Variants in DACH1 observed in about 807,000 individuals in gnomAD.
DACH1 encodes the protein dachshund family transcription factor 1, also known as dachshund homolog 1.
Under a neutral mutation model 54.2 loss-of-function variants are expected in DACH1, and 12 were observed. That is an observed-to-expected ratio of 0.22 (90% CI 0.14 to 0.36). The LOEUF is 0.36. Ranked by LOEUF, DACH1 falls within the 10% of genes least tolerant of loss-of-function variation. The pLI is 1.00. For missense variants in DACH1, 805 were observed against 929.8 expected (o/e 0.87, Z 1.75); for synonymous variants, 386 against 366.2 (o/e 1.05, Z -0.62).
At chr13:71,454,681 C>A (rs1324942586) in intron 10 of DACH1, among the ~76,000 whole-genome samples, 1 of 152,158 alleles carries the variant, frequency 6.6e-6, no homozygotes, top group African/African-American at 2.4e-5. Flanking sequence ...CTCTTGAGGA[C>A]AGGAGGCATG....
chr13:71,483,918 T>C (rs1424951187), intron 7 of DACH1, among the ~76,000 whole-genome samples: 2 of 152,174 alleles, frequency 1.3e-5, no homozygotes, highest in South Asian at 2.1e-4. Flanking sequence ...CTAGGCAATA[T>C]CCTCTAGGTT....
chr13:71,824,291 A>G (rs1888300423), intron 1 of DACH1, among the ~76,000 whole-genome samples: 1 of 151,864 alleles, frequency 6.6e-6, no homozygotes, highest in Non-Finnish European at 1.5e-5. Context: ...TATATTCAAC[A>G]TCAAATAAGT....
At chr13:71,519,882 A>AATATATATATATATATATATATATAT (rs1555290464) in intron 6 of DACH1, among the ~76,000 whole-genome samples, 1 of 35,526 alleles carries the variant, frequency 2.8e-5, no homozygotes, top group Admixed American at 3.8e-4. Flanking sequence ...AAACCAAAGT[A>AATATATATATATATATATATATATAT]GTATATATAT....
At chr13:71,530,978 A>G (rs1882376798) in intron 6 of DACH1, among the ~76,000 whole-genome samples, 1 of 152,212 alleles carries the variant, frequency 6.6e-6, no homozygotes, top group South Asian at 2.1e-4. Context: ...CTTATGATCA[A>G]CGTAAGGGAT....
chr13:71,747,946 A>G (rs1195337062), intron 1 of DACH1, among the ~76,000 whole-genome samples: 3 of 152,174 alleles, frequency 2.0e-5, no homozygotes, highest in Non-Finnish European at 1.5e-5. Flanking sequence ...CAGTTTGTGC[A>G]TGAACTTGAC....
chr13:71,863,870 T>C (rs1874515630), intron 1 of DACH1, among the ~76,000 whole-genome samples: 1 of 149,150 alleles, frequency 6.7e-6, no homozygotes, highest in Non-Finnish European at 1.5e-5. Context: ...CCGAGGAGAG[T>C]AGATGTTTGA....
chr13:71,468,108 C>G (rs1022935840), intron 10 of DACH1, among the ~76,000 whole-genome samples: 1 of 152,096 alleles, frequency 6.6e-6, no homozygotes, highest in Non-Finnish European at 1.5e-5. Context: ...TCCACAAACA[C>G]TTTACTATGG....
In DACH1 at chr13:71,619,721, G is replaced by T. The variant is rs143433785; in HGVS notation, c.1126+10835C>A. 4.0e-3 allele frequency among the ~76,000 whole-genome samples: 612 copies of T among 152,074 alleles called. 2 individuals carry two copies. The highest frequency in any genetic ancestry group is 5.6e-3 in the Non-Finnish European group (378 of 67,840). ...ATGAGAGATTCTTGGAAGCTGAAAT[G>T]TAGGAGGGATTCAATTATGTGGGGT... On this transcript the variant is annotated intron_variant, in intron 3 of 10. Coordinates refer to ENST00000613252, the MANE Select transcript of DACH1 (RefSeq NM_080759.6).
intron 6 of DACH1, among the ~76,000 whole-genome samples, chr13:71,541,651 A>T (rs188378484): frequency 2.3e-3 from 357 of 152,196 alleles, no homozygotes; most frequent in African/African-American, 7.9e-3. Flanking sequence ...ATATCACATG[A>T]ATCATTTGTT....
chr13:71,841,282 A>G (rs1338764167), intron 1 of DACH1, among the ~76,000 whole-genome samples: 1 of 152,182 alleles, frequency 6.6e-6, no homozygotes, highest in Non-Finnish European at 1.5e-5. Context: ...AACTTTAAAA[A>G]ATAATTATGT....
intron 4 of DACH1, 48 bp downstream of exon 4, chr13:71,572,792 G>T (rs1012238328): frequency 6.4e-7 from 1 of 1,557,212 alleles, no homozygotes; most frequent in East Asian, 2.3e-5. Context: ...TTAAGGGATG[G>T]TGGCTTAAGA....
intron 1 of DACH1, among the ~76,000 whole-genome samples, chr13:71,714,857 G>A (rs191151773): frequency 6.9e-4 from 105 of 152,120 alleles, no homozygotes; most frequent in African/African-American, 2.4e-3. Context: ...AAATAAAATA[G>A]GCAGAGAAAG....
At chr13:71,555,666 G>A (rs1447626402) in intron 6 of DACH1, among the ~76,000 whole-genome samples, 1 of 151,912 alleles carries the variant, frequency 6.6e-6, no homozygotes, top group African/African-American at 2.4e-5. Flanking sequence ...TTACAATATT[G>A]CTATGCATGG....
At chr13:71,623,802 A>G (rs1391624867) in intron 3 of DACH1, among the ~76,000 whole-genome samples, 1 of 151,812 alleles carries the variant, frequency 6.6e-6, no homozygotes, top group East Asian at 1.9e-4. Context: ...TGGAAGCTAA[A>G]TCTTCTGACT....
intron 6 of DACH1, among the ~76,000 whole-genome samples, chr13:71,533,788 ACAC>A (rs1337053306): frequency 6.6e-6 from 1 of 151,814 alleles, no homozygotes; most frequent in African/African-American, 2.4e-5. Context: ...ACACACACAC[ACAC>A]TTTACTGTAT....
At chr13:71,566,591 C>T (rs1884907099) in intron 4 of DACH1, among the ~76,000 whole-genome samples, 1 of 152,030 alleles carries the variant, frequency 6.6e-6, no homozygotes, top group Admixed American at 6.6e-5. Context: ...TCAGTTCCCC[C>T]CAAATTCTCC....
At chr13:71,707,147 C>T (rs968696893) in intron 1 of DACH1, among the ~76,000 whole-genome samples, 2 of 152,146 alleles carry the variant, frequency 1.3e-5, no homozygotes, top group Non-Finnish European at 2.9e-5. Flanking sequence ...AACTTGCAAG[C>T]TCTTGGGGTG....
chr13:71,778,323 A>G (rs73525457), intron 1 of DACH1, among the ~76,000 whole-genome samples: 644 of 152,120 alleles, frequency 4.2e-3, no homozygotes, highest in African/African-American at 0.015. Context: ...TGATTTTTAC[A>G]TAAGTCAAAT....
chr13:71,811,893 A>G (rs1887728303), intron 1 of DACH1, among the ~76,000 whole-genome samples: 1 of 152,210 alleles, frequency 6.6e-6, no homozygotes, highest in East Asian at 1.9e-4. Flanking sequence ...TTGCAAATTT[A>G]TCTTATGTAT....
Sources: gnomAD v4.1 joint callset for allele counts (sites outside exome capture counted in the v4.1 genomes callset) on GRCh38, gnomAD v4.1.1 for gene constraint, MANE v1.5 for transcripts, NCBI Gene and HGNC (gene_info 2026-07-23, HGNC 2026-07-21) for gene names.